The following MYO16 variants were observed in gnomAD, a reference collection of about 807,000 sequenced individuals.
MYO16 encodes the protein myosin XVI, also known as unconventional myosin-XVI.
In MYO16, 94 loss-of-function variants were observed where a neutral mutation model predicts 205.3. The observed-to-expected ratio is 0.46, with a 90% CI of 0.39 to 0.54. MYO16 has a LOEUF of 0.54. Ranked by LOEUF, MYO16 falls within the 20% of genes least tolerant of loss-of-function variation. The probability of loss-of-function intolerance (pLI) is 0.00; values close to 1 mark genes in which losing one functional copy is unlikely to be tolerated. For missense variants in MYO16, 2,315 were observed against 2,387.5 expected (o/e 0.97, Z 0.63); for synonymous variants, 988 against 954.0 (o/e 1.04, Z -0.66).
At chr13:109,105,425 T>A (rs1889096010) in intron 28 of MYO16, among the ~76,000 whole-genome samples, 1 of 152,174 alleles carries the variant, frequency 6.6e-6, no homozygotes, top group African/African-American at 2.4e-5. Context: ...TGAGCAGAGA[T>A]TGTGCCATTG....
chr13:108,873,638 C>A (rs1879179428), intron 12 of MYO16, among the ~76,000 whole-genome samples: 1 of 129,386 alleles, frequency 7.7e-6, no homozygotes, highest in African/African-American at 2.8e-5. Flanking sequence ...GGCCAACCAA[C>A]CAGGACAGGG....
chr13:108,927,406 C>T (rs138923803), intron 16 of MYO16, among the ~76,000 whole-genome samples: 1 of 152,174 alleles, frequency 6.6e-6, no homozygotes, highest in African/African-American at 2.4e-5. Context: ...GTATAATGGG[C>T]CTGGGGCATG....
rs35604385 is a variant in MYO16, at chr13:108,751,061, TCACACA to T, written c.507+23499_507+23504del. On this transcript the variant is annotated intron_variant, in intron 4 of 34. Transcript: ENST00000457511. ...TGTATAAATATATATATATGTGTGT[TCACACA>T]CACACACACACACACACACATACAT... 5.7e-4 allele frequency among the ~76,000 whole-genome samples: 86 copies of T among 149,944 alleles called. No individual in the cohort carries two copies. In the South Asian group the frequency reaches 0.014, roughly 25 times the overall value.
At chr13:108,869,756 A>T (rs1878952170) in intron 12 of MYO16, among the ~76,000 whole-genome samples, 1 of 144,098 alleles carries the variant, frequency 6.9e-6, no homozygotes, top group Non-Finnish European at 1.5e-5. Context: ...AAAAAAAAAA[A>T]AAAAGAAACC....
chr13:108,935,736 T>C (rs528260675), intron 16 of MYO16, among the ~76,000 whole-genome samples: 1 of 152,298 alleles, frequency 6.6e-6, no homozygotes, highest in South Asian at 2.1e-4. Context: ...TTTTGCCTGT[T>C]CAGTACGATG....
intron 16 of MYO16, among the ~76,000 whole-genome samples, chr13:108,948,258 A>G (rs1191139137): frequency 6.6e-6 from 1 of 152,232 alleles, no homozygotes. Flanking sequence ...TTTATATATT[A>G]AACATCACCA....
At chr13:108,875,915 T>C (rs1004859493) in intron 12 of MYO16, among the ~76,000 whole-genome samples, 2 of 152,122 alleles carry the variant, frequency 1.3e-5, no homozygotes, top group African/African-American at 4.8e-5. Context: ...ATGAATCCCA[T>C]GTACACACAG....
At chr13:109,142,890 C>T (rs2139813611) in intron 32 of MYO16, among the ~76,000 whole-genome samples, 1 of 152,236 alleles carries the variant, frequency 6.6e-6, no homozygotes, top group East Asian at 1.9e-4. Flanking sequence ...CGTTAAATCC[C>T]TGCTTTCATT....
intron 2 of MYO16, among the ~76,000 whole-genome samples, chr13:108,695,338 A>G (rs1490142809): frequency 6.6e-6 from 1 of 152,154 alleles, no homozygotes; most frequent in Non-Finnish European, 1.5e-5. Flanking sequence ...ACATTGATGT[A>G]TGGGTGTATC....
At chr13:108,667,271 G>A (rs1594191490) in intron 2 of MYO16, among the ~76,000 whole-genome samples, 1 of 146,642 alleles carries the variant, frequency 6.8e-6, no homozygotes, top group Middle Eastern at 3.7e-3. Flanking sequence ...TCATGGTTTT[G>A]TATGGGCTTT....
At chr13:108,683,743 A>T (rs1403627817) in intron 2 of MYO16, among the ~76,000 whole-genome samples, 1 of 152,220 alleles carries the variant, frequency 6.6e-6, no homozygotes, top group Admixed American at 6.5e-5. Context: ...TGAATTGTAG[A>T]AAGATAAGGT....
Position 108,992,365 on chromosome 13 carries a change from T to C in MYO16, c.2370-11T>C. ...GATGCCCATTTATCCTGGTGTATTG[T>C]TTTGTTTCAGCATGCAGACATTGGA... On this transcript the variant is annotated splice_polypyrimidine_tract_variant and intron_variant, in intron 20 of 34. Transcript: ENST00000457511. 1 of 1,601,458 alleles carries C rather than the reference T, an allele frequency of 6.2e-7. No homozygotes were observed. The highest frequency in any genetic ancestry group is 2.2e-5 in the East Asian group (1 of 44,578).
intron 2 of MYO16, among the ~76,000 whole-genome samples, chr13:108,670,065 A>G (rs1277955060): frequency 6.6e-6 from 1 of 152,248 alleles, no homozygotes; most frequent in Non-Finnish European, 1.5e-5. Context: ...CTTTCTGCAC[A>G]TGTATCCCAG....
chr13:108,836,812 AT>A (rs1203767932), intron 9 of MYO16, among the ~76,000 whole-genome samples: 3 of 152,126 alleles, frequency 2.0e-5, no homozygotes, highest in Non-Finnish European at 4.4e-5. Flanking sequence ...GAATGGGGTT[AT>A]TTACCCAATG....
intron 23 of MYO16, among the ~76,000 whole-genome samples, chr13:109,039,738 T>C (rs1293364076): frequency 1.3e-5 from 2 of 152,262 alleles, no homozygotes; most frequent in East Asian, 1.9e-4. Flanking sequence ...ATGCGTACGT[T>C]AGAAAATAGG....
chr13:108,912,475 C>T (rs1881312038), intron 16 of MYO16, among the ~76,000 whole-genome samples: 1 of 151,838 alleles, frequency 6.6e-6, no homozygotes, highest in Non-Finnish European at 1.5e-5. Flanking sequence ...ATAAAAATTC[C>T]AAGCTTCTAG....
At chr13:108,727,648 C>A in intron 4 of MYO16, 65 bp downstream of exon 4, 1 of 1,517,504 alleles carries the variant, frequency 6.6e-7, no homozygotes, top group Non-Finnish European at 8.9e-7. Context: ...ATATATTTAA[C>A]TAATGCTATT....
At chr13:108,715,596 C>T (rs999346250) in intron 3 of MYO16, among the ~76,000 whole-genome samples, 3 of 152,094 alleles carry the variant, frequency 2.0e-5, no homozygotes, top group African/African-American at 2.4e-5. Flanking sequence ...ATTAATGTTA[C>T]TACTTAATTA....
At chr13:109,204,715 A>G (rs763585169) in intron 34 of MYO16, among the ~76,000 whole-genome samples, 1 of 152,320 alleles carries the variant, frequency 6.6e-6, no homozygotes, top group East Asian at 1.9e-4. Flanking sequence ...AACACATCCC[A>G]TGGACTCTTG....
Sources: gnomAD v4.1 joint callset for allele counts (sites outside exome capture counted in the v4.1 genomes callset) on GRCh38, gnomAD v4.1.1 for gene constraint, MANE v1.5 for transcripts, NCBI Gene and HGNC (gene_info 2026-07-23, HGNC 2026-07-21) for gene names.